The following RINT1 variants were observed in gnomAD, a reference collection of about 807,000 sequenced individuals.
The protein encoded by RINT1 is RAD50 interactor 1, also known as RAD50-interacting protein 1.
A neutral mutation model predicts 97.7 loss-of-function variants in RINT1; 75 were observed. The observed-to-expected ratio is 0.77, with a 90% CI of 0.64 to 0.93. The LOEUF is 0.93. RINT1 is among the 40% of genes least tolerant of loss of function. The pLI is 0.00. For synonymous variants in RINT1, 303 were observed against 326.3 expected (o/e 0.93, Z 0.77); for missense variants, 892 against 925.2 (o/e 0.96, Z 0.47).
At chr7:105,562,867 C>T (rs1363464111) in intron 11 of RINT1, among the ~76,000 whole-genome samples, 2 of 152,150 alleles carry the variant, frequency 1.3e-5, no homozygotes, top group Non-Finnish European at 2.9e-5. Flanking sequence ...CACCCCACTG[C>T]ACTCCAGCCT....
chr7:105,562,691 G>GT (rs1470877709), intron 11 of RINT1, among the ~76,000 whole-genome samples: 1 of 152,006 alleles, frequency 6.6e-6, no homozygotes, highest in African/African-American at 2.4e-5. Flanking sequence ...GAGGTCAGGA[G>GT]TTTGAGACCA....
At chr7:105,548,479 G>T (rs920267506) in intron 6 of RINT1, 75 bp from the exon 7 acceptor site, 1 of 1,381,730 alleles carries the variant, frequency 7.2e-7, no homozygotes, top group Non-Finnish European at 1.0e-6. Context: ...AAAATTTATT[G>T]TGTGTGTATA....
intron 3 of RINT1, among the ~76,000 whole-genome samples, chr7:105,538,177 G>C (rs1485394515): frequency 6.6e-6 from 1 of 151,972 alleles, no homozygotes; most frequent in Non-Finnish European, 1.5e-5. Flanking sequence ...ATTTTTAGTA[G>C]AGACAGGGTT....
At chr7:105,537,400 G>A (rs1790288308) in intron 3 of RINT1, among the ~76,000 whole-genome samples, 1 of 151,600 alleles carries the variant, frequency 6.6e-6, no homozygotes, top group Non-Finnish European at 1.5e-5. Flanking sequence ...ATAGTTCCGG[G>A]ATTACAGATG....
intron 4 of RINT1, among the ~76,000 whole-genome samples, chr7:105,543,811 C>T (rs969112790): frequency 6.6e-6 from 1 of 151,802 alleles, no homozygotes; most frequent in African/African-American, 2.4e-5. Flanking sequence ...TGTTTTTAGG[C>T]CAGGTGCAGT....
At chr7:105,558,071 T>C (rs1014402824) in intron 11 of RINT1, among the ~76,000 whole-genome samples, 5 of 152,054 alleles carry the variant, frequency 3.3e-5, no homozygotes, top group African/African-American at 1.2e-4. Flanking sequence ...TCCCAACACT[T>C]TGGGAGGCCA....
In RINT1 at chr7:105,548,730, G is replaced by T. The variant is rs1251770691; in HGVS notation, c.996+20G>T. On this transcript the variant is annotated intron_variant, in intron 7 of 14. Transcript: ENST00000257700. ...AGCAAGGTGTGTTTTGCCAGCTCTT[G>T]TCCTTGGTTTTTATTGGTAACAAAT... The T allele has an allele frequency of 9.5e-6, 15 of 1,582,098 alleles. No homozygotes were observed. Among genetic ancestry groups the T allele is most frequent in the Non-Finnish European group, 1.3e-5 (15 of 1,164,546 alleles).
chr7:105,537,659 G>A (rs1484710563), intron 3 of RINT1, among the ~76,000 whole-genome samples: 7 of 151,358 alleles, frequency 4.6e-5, no homozygotes, highest in Admixed American at 1.3e-4. Context: ...GTGAAATCCC[G>A]ACTCTACTAA....
At chr7:105,550,546 T>C in intron 9 of RINT1, 60 bp downstream of exon 9, 1 of 1,277,862 alleles carries the variant, frequency 7.8e-7, no homozygotes, top group Non-Finnish European at 1.1e-6. Flanking sequence ...GTATACATTT[T>C]TGATATTTTT....
intron 4 of RINT1, among the ~76,000 whole-genome samples, chr7:105,544,237 A>G (rs1790572063): frequency 6.6e-6 from 1 of 152,138 alleles, no homozygotes; most frequent in South Asian, 2.1e-4. Flanking sequence ...GCTTTATTTT[A>G]CTGCATTTCT....
chr7:105,554,543 A>G (rs576152866), intron 10 of RINT1, among the ~76,000 whole-genome samples: 32 of 151,420 alleles, frequency 2.1e-4, no homozygotes, highest in Admixed American at 1.6e-3. Context: ...GGTTCAAGCA[A>G]TTCTCCTGCC....
intron 2 of RINT1, 70 bp downstream of exon 2, chr7:105,532,939 G>A (rs1018734954): frequency 6.9e-7 from 1 of 1,440,580 alleles, no homozygotes; most frequent in Non-Finnish European, 9.8e-7. Flanking sequence ...CTGCAATATA[G>A]AAAGGTTCTT....
intron 7 of RINT1, 122 bp from the exon 8 acceptor site, chr7:105,549,933 C>T: frequency 1.6e-6 from 1 of 611,570 alleles, no homozygotes; most frequent in South Asian, 2.6e-5. Context: ...TGTGCTCTTA[C>T]ATACAGGAAT....
chr7:105,532,700 G>T lies in RINT1; in HGVS notation c.43-124G>T. 3.8e-6 allele frequency: 4 copies of T among 1,042,432 alleles called. No homozygotes were observed. The South Asian group carries it at 5.1e-5, about 13-fold the overall frequency. The allele number at this position is 1,042,432 out of a possible 1,614,324, so 64.6% of individuals were successfully genotyped here. Reference sequence around the variant, plus strand: ...GTACCTGATTCGGACGGCCCTGGTCGCTCAGAAAGTGGGAGAGCGTCTGGA... The same window carrying T: ...GTACCTGATTCGGACGGCCCTGGTCTCTCAGAAAGTGGGAGAGCGTCTGGA... On this transcript the variant is annotated intron_variant, in intron 1 of 14. Transcript: ENST00000257700.
At chr7:105,548,748 T>C in intron 7 of RINT1, 38 bp downstream of exon 7, 2 of 1,555,502 alleles carry the variant, frequency 1.3e-6, no homozygotes, top group Middle Eastern at 1.7e-4. Flanking sequence ...TTTTTATTGG[T>C]AACAAATGTT....
intron 3 of RINT1, among the ~76,000 whole-genome samples, chr7:105,540,028 A>G (rs1293468914): frequency 6.6e-6 from 1 of 150,452 alleles, no homozygotes; most frequent in African/African-American, 2.4e-5. Flanking sequence ...TAATATTTGT[A>G]TATGTTTTCC....
intron 2 of RINT1, among the ~76,000 whole-genome samples, chr7:105,535,198 A>G (rs1280569856): frequency 6.6e-6 from 1 of 150,564 alleles, no homozygotes; most frequent in Non-Finnish European, 1.5e-5. Flanking sequence ...TCTTTGTACA[A>G]TGACATCGAT....
chr7:105,542,184 G>A, intron 3 of RINT1: 7 of 348,902 alleles, frequency 2.0e-5, no homozygotes, highest in South Asian at 1.6e-4. Context: ...AAAAAAAAAA[G>A]AAAAGCCAGG....
chr7:105,562,660 AG>A (rs1267507614), intron 11 of RINT1, among the ~76,000 whole-genome samples: 2 of 152,132 alleles, frequency 1.3e-5, no homozygotes, highest in African/African-American at 4.8e-5. Flanking sequence ...GAACTTTGGG[AG>A]GCTGAGGTGG....
Sources: allele counts gnomAD v4.1 joint callset (sites outside exome capture counted in the v4.1 genomes callset), GRCh38; gene constraint gnomAD v4.1.1; transcripts MANE v1.5; gene names NCBI Gene and HGNC (gene_info 2026-07-23, HGNC 2026-07-21).